The following BEST1 variants were observed in gnomAD, a reference collection of about 807,000 sequenced individuals.
BEST1 encodes bestrophin-1.
BEST1 carries 58 observed loss-of-function variants against 63.3 expected under a neutral mutation model. The observed-to-expected ratio is 0.92, with a 90% CI of 0.74 to 1.14. The LOEUF (loss-of-function observed/expected upper bound fraction) is 1.14. Among genes scored for constraint, BEST1 ranks in the 50% most tolerant of loss-of-function variants. BEST1 has a pLI of 0.00. For missense variants in BEST1, 671 were observed against 740.1 expected, an observed-to-expected ratio of 0.91 and a Z score of 1.08; for synonymous variants, 283 against 291.6, an observed-to-expected ratio of 0.97 and a Z score of 0.30.
intron 9 of BEST1, chr11:61,961,869 C>A: frequency 4.5e-6 from 1 of 223,984 alleles, no homozygotes; most frequent in South Asian, 7.5e-5. Context: ...ACCACAAATT[C>A]CTGGCATTGC....
rs886041142 is a variant in BEST1, at chr11:61,951,909, G to A, written c.103G>A (p.Glu35Lys). The change falls in exon 2 of 11, where the codon GAG (glutamate) becomes AAG (lysine). Residue 35 changes from glutamate to lysine, a missense_variant. Coordinates refer to ENST00000378043, the MANE Select transcript of BEST1 (RefSeq NM_004183.4). Reference protein sequence around the residue: ...RGSIYKLLYGEFLIFLLCYYI... With the variant: ...RGSIYKLLYGKFLIFLLCYYI... ...CAGCATCTACAAGCTGCTATATGGC[G>A]AGTTCTTAATCTTCCTGCTCTGCTA... 1.9e-5 allele frequency: 31 copies of A among 1,613,556 alleles called. No individual in the cohort carries two copies. Among genetic ancestry groups the A allele is most frequent in the Non-Finnish European group, 1.8e-5 (21 of 1,179,946 alleles).
At chr11:61,959,839 G>A in intron 8 of BEST1, 53 bp from the exon 9 acceptor site, 1 of 1,607,010 alleles carries the variant, frequency 6.2e-7, no homozygotes, top group Non-Finnish European at 8.5e-7. Context: ...GCACATACAA[G>A]GTCCTGCCTG....
intron 4 of BEST1, 147 bp from the exon 5 acceptor site, chr11:61,956,697 A>G (rs1941405206): frequency 7.8e-6 from 7 of 896,738 alleles, no homozygotes; most frequent in Non-Finnish European, 1.3e-5. Flanking sequence ...TCAGCCCAGA[A>G]CAGCACCTAG....
chr11:61,962,573 C>A lies in BEST1; in HGVS notation c.1419C>A (p.Ser473Arg). The A allele has an allele frequency of 6.2e-7, 1 of 1,614,138 alleles. No homozygotes were observed. Among genetic ancestry groups the A allele is most frequent in the Non-Finnish European group, 8.5e-7 (1 of 1,180,000 alleles). ...GYYSAPQTPL[S>R]PTPMFFPLEP... is the part of the protein sequence containing the mutation. ...ACAGTGCCCCACAGACGCCCCTCAG[C>A]CCCACTCCCATGTTCTTCCCCCTAG... The change falls in exon 10 of 11, where the codon AGC becomes AGA. Residue 473 changes from serine (S) to arginine (R), a missense_variant. Physicochemically the swap from Ser to Arg is moderately radical, Grantham distance 110 (BLOSUM62 -1). Coordinates refer to ENST00000378043, the MANE Select transcript of BEST1 (RefSeq NM_004183.4).
At chr11:61,952,006 G>C (rs1402505436) in intron 2 of BEST1, 48 bp downstream of exon 2, 1 of 1,605,574 alleles carries the variant, frequency 6.2e-7, no homozygotes, top group African/African-American at 1.3e-5. Flanking sequence ...GATGTGGCTG[G>C]GGCTGGGAGC....
chr11:61,963,031 T>C, intron 10 of BEST1, 138 bp downstream of exon 10: 1 of 1,553,858 alleles, frequency 6.4e-7, no homozygotes. Flanking sequence ...CGCCCAGCAC[T>C]GGCTTGGGGT....
chr11:61,949,842 G>A (rs1463110111), upstream of BEST1: 2 of 152,328 alleles, frequency 1.3e-5, no homozygotes, highest in African/African-American at 2.4e-5. Context: ...CTGAGGCTGA[G>A]AGAGGAGCTG....
At chr11:61,951,658 C>T (rs1348503745) in intron 1 of BEST1, 113 bp from the exon 2 acceptor site, 5 of 1,091,526 alleles carry the variant, frequency 4.6e-6, no homozygotes, top group South Asian at 1.4e-5. Flanking sequence ...ACTTCATCCA[C>T]CTCCTAGGGT....
chr11:61,965,207 A>G, downstream of BEST1: 1 of 1,591,308 alleles, frequency 6.3e-7, no homozygotes, highest in Non-Finnish European at 8.6e-7. Flanking sequence ...AAGGGACATT[A>G]CTATTTGCCT....
rs1479747309 is a variant in BEST1 at position 61,955,708 on chromosome 11, T to G, written c.248-10T>G. The G allele has an allele frequency of 1.3e-5, 11 of 823,926 alleles. No individual in the cohort carries two copies. The highest frequency in any genetic ancestry group is 2.0e-5 in the Non-Finnish European group (11 of 538,508). The allele number at this position is 823,926 out of a possible 1,614,324, so 51.0% of individuals were successfully genotyped here. A position where few individuals can be genotyped will look rare whatever the true frequency, so the allele number is the denominator to read the frequency against. ...CCCCTCGCCCCTCGCCCCCCGCCCC[T>G]CCTGCCCAGGCTTCTACGTGACGCT... On this transcript the variant is annotated splice_polypyrimidine_tract_variant and intron_variant, in intron 3 of 10. Coordinates refer to ENST00000378043, the MANE Select transcript of BEST1 (RefSeq NM_004183.4).
Position 61,962,905 on chromosome 11 carries a change from AC to A in BEST1, c.1739+14del. 1 of 1,614,132 alleles carries A rather than the reference AC, an allele frequency of 6.2e-7. No homozygotes were observed. Among genetic ancestry groups the A allele is most frequent in the Non-Finnish European group, 8.5e-7 (1 of 1,180,010 alleles). On this transcript the variant is annotated intron_variant, in intron 10 of 10. Coordinates refer to ENST00000378043, the MANE Select transcript of BEST1 (RefSeq NM_004183.4). Reference sequence around the variant, plus strand: ...GCCTTGGAAAACAGGTCTGTCCTCCACCTGAACCAGGGGCACTGCATTGCCC... The same window carrying A: ...GCCTTGGAAAACAGGTCTGTCCTCCACTGAACCAGGGGCACTGCATTGCCC...
At chr11:61,959,746 C>T in intron 8 of BEST1, 146 bp from the exon 9 acceptor site, 1 of 1,341,038 alleles carries the variant, frequency 7.5e-7, no homozygotes, top group South Asian at 1.2e-5. Flanking sequence ...ATCTTTGAGG[C>T]TGCAGGCAGG....
At chr11:61,965,444 CTCA>C (rs1296737912), downstream of BEST1, 2 of 1,612,360 alleles carry the variant, frequency 1.2e-6, no homozygotes, top group Non-Finnish European at 1.7e-6. Context: ...GTTCCCTCTC[CTCA>C]TGAGATTGGT....
Position 61,955,937 on chromosome 11 carries a change from A to G in BEST1, c.467A>G (p.His156Arg). 6.5e-7 allele frequency: 1 copy of G among 1,548,794 alleles called. No homozygotes were observed. The highest frequency in any genetic ancestry group is 8.7e-7 in the Non-Finnish European group (1 of 1,146,132). The change falls in exon 4 of 11, where the codon CAC becomes CGC. Residue 156 changes from histidine to arginine, a missense_variant. Coordinates refer to ENST00000378043, the MANE Select transcript of BEST1 (RefSeq NM_004183.4). ...AVYKRFPSAQ[H>R]LVQAGFMTPA... ...TACAAGCGCTTCCCCAGCGCCCAGC[A>G]CCTGGTGCAAGCAGGTGGGCGGACC... is the stretch of plus-strand genomic sequence containing the variant.
Position 61,964,192 on chromosome 11 carries a change from C to T in BEST1, c.*70C>T. The T allele has an allele frequency of 6.2e-7, 1 of 1,610,158 alleles. No homozygotes were observed. Among genetic ancestry groups the T allele is most frequent in the Non-Finnish European group, 8.5e-7 (1 of 1,178,608 alleles). On this transcript the variant is annotated 3_prime_UTR_variant, in exon 11 of 11. Transcript: ENST00000378043. ...TGTGTACACCAGCAGGACACTGATC[C>T]AGTCACAGCCATACAGCTGTCCACA...
intron 9 of BEST1, 29 bp from the exon 10 acceptor site, chr11:61,962,226 T>C: frequency 2.5e-6 from 4 of 1,612,364 alleles, no homozygotes; most frequent in Non-Finnish European, 3.4e-6. Flanking sequence ...GTCCACTGGC[T>C]CAGCCCTGCA....
At chr11:61,964,041 T>C in intron 10 of BEST1, 63 bp from the exon 11 acceptor site, 2 of 1,610,474 alleles carry the variant, frequency 1.2e-6, no homozygotes, top group South Asian at 1.1e-5. Flanking sequence ...TACTGCAACA[T>C]TTTGGTATTT....
At chr11:61,960,518 C>G (rs1226796803) in intron 9 of BEST1, 1 of 190,632 alleles carries the variant, frequency 5.2e-6, no homozygotes, top group Non-Finnish European at 1.1e-5. Flanking sequence ...TTACAGGTGC[C>G]CACAACCACA....
Position 61,955,918 on chromosome 11 carries a change from C to G in BEST1, c.448C>G (p.Arg150Gly), listed in dbSNP as rs1177798663. Residue 150 changes from arginine to glycine, a missense_variant, in exon 4 of 11, where the codon CGC (arginine) becomes GGC (glycine). Arg to Gly is a moderately radical substitution (Grantham distance 125). Coordinates refer to ENST00000378043, the MANE Select transcript of BEST1 (RefSeq NM_004183.4). ...LRSVSTAVYKRFPSAQHLVQA... is the reference protein window; with the variant it reads ...LRSVSTAVYKGFPSAQHLVQA... ...CAGCGTCAGCACCGCAGTCTACAAG[C>G]GCTTCCCCAGCGCCCAGCACCTGGT... 1 of 1,549,962 alleles carries G rather than the reference C, an allele frequency of 6.5e-7. No homozygotes were observed. Among genetic ancestry groups the G allele is most frequent in the Non-Finnish European group, 8.7e-7 (1 of 1,146,710 alleles).
Sources: gnomAD v4.1 joint callset for allele counts on GRCh38, gnomAD v4.1.1 for gene constraint, MANE v1.5 for transcripts, NCBI Gene and HGNC (gene_info 2026-07-23, HGNC 2026-07-21) for gene names.